The following ATRNL1 variants were observed in gnomAD, a reference collection of about 807,000 sequenced individuals.
The protein encoded by ATRNL1 is attractin like 1, also known as attractin-like protein 1.
A neutral mutation model predicts 182.7 loss-of-function variants in ATRNL1; 95 were observed. That is an observed-to-expected ratio of 0.52 (90% CI 0.44 to 0.62). The LOEUF is 0.62. ATRNL1 is among the 20% of genes least tolerant of loss of function. The probability of loss-of-function intolerance (pLI) is 0.00; values close to 1 mark genes in which losing one functional copy is unlikely to be tolerated. For synonymous variants in ATRNL1, 576 were observed against 568.3 expected, an observed-to-expected ratio of 1.01 and a Z score of -0.19; for missense variants, 1,471 against 1,679.5, an observed-to-expected ratio of 0.88 and a Z score of 2.17.
rs1854701328 is a variant in ATRNL1, at chr10:115,323,481, G to C, written c.3037+7745G>C. Among the ~76,000 whole-genome samples the C allele has an allele frequency of 3.3e-5, 4 of 122,124 alleles. No individual in the cohort carries two copies. The Admixed American group carries it at 4.8e-4, about 15-fold the overall frequency. The allele number at this position is 122,124 out of a possible 152,430, so 80.1% of individuals were successfully genotyped here. On this transcript the variant is annotated intron_variant, in intron 18 of 28. Coordinates refer to ENST00000355044, the MANE Select transcript of ATRNL1 (RefSeq NM_207303.4). ...TTTATTGAGACAGAGTTTCACTCTTGTTGCCCAGGCTGGAGTGCAGTGGCG... is the reference window on the plus strand; with the variant it reads ...TTTATTGAGACAGAGTTTCACTCTTCTTGCCCAGGCTGGAGTGCAGTGGCG...
intron 5 of ATRNL1, among the ~76,000 whole-genome samples, chr10:115,144,119 C>T (rs1186515781): frequency 6.6e-6 from 1 of 151,264 alleles, no homozygotes; most frequent in African/African-American, 2.4e-5. Context: ...AGCTGGATTA[C>T]AGGTGCCCAC....
At chr10:115,683,861 A>G (rs1011161111) in intron 26 of ATRNL1, among the ~76,000 whole-genome samples, 2 of 151,882 alleles carry the variant, frequency 1.3e-5, no homozygotes, top group South Asian at 2.1e-4. Flanking sequence ...AAGATTTAGC[A>G]TAAATTACAT....
At chr10:115,393,335 A>AT (rs2134275814) in intron 19 of ATRNL1, among the ~76,000 whole-genome samples, 1 of 152,298 alleles carries the variant, frequency 6.6e-6, no homozygotes, top group Admixed American at 6.5e-5. Flanking sequence ...AACTAGCAAT[A>AT]TGATTATCTG....
intron 26 of ATRNL1, among the ~76,000 whole-genome samples, chr10:115,689,926 T>G (rs115918308): frequency 0.035 from 5,267 of 152,192 alleles, 331 homozygotes; most frequent in African/African-American, 0.12. Flanking sequence ...CAGCCTCCAG[T>G]GGCAGCAGCA....
At chr10:115,914,742 A>G (rs1952792642) in intron 28 of ATRNL1, among the ~76,000 whole-genome samples, 1 of 152,114 alleles carries the variant, frequency 6.6e-6, no homozygotes, top group Admixed American at 6.5e-5. Flanking sequence ...CGATTGTTCA[A>G]CTGTTAGGAA....
intron 25 of ATRNL1, among the ~76,000 whole-genome samples, chr10:115,519,574 TC>T (rs1271645269): frequency 6.6e-6 from 1 of 152,066 alleles, no homozygotes; most frequent in Non-Finnish European, 1.5e-5. Flanking sequence ...TAACTTTGTG[TC>T]CCCCATCACA....
intron 26 of ATRNL1, among the ~76,000 whole-genome samples, chr10:115,712,897 T>C (rs1947106556): frequency 6.6e-6 from 1 of 151,956 alleles, no homozygotes; most frequent in Admixed American, 6.6e-5. Context: ...AAATTAGAAA[T>C]TTTTAATCAT....
chr10:115,492,647 T>TC (rs1463354516), intron 24 of ATRNL1, among the ~76,000 whole-genome samples: 3 of 144,340 alleles, frequency 2.1e-5, no homozygotes, highest in African/African-American at 7.6e-5. Context: ...TAAAGTGATT[T>TC]TTTTTTTTTT....
At chr10:115,442,617 G>T (rs1388706161) in intron 21 of ATRNL1, among the ~76,000 whole-genome samples, 1 of 151,978 alleles carries the variant, frequency 6.6e-6, no homozygotes, top group Non-Finnish European at 1.5e-5. Flanking sequence ...TTGCGGCTGT[G>T]TTATCATAAA....
chr10:115,659,922 T>G (rs11197388), intron 26 of ATRNL1, among the ~76,000 whole-genome samples: 1,772 of 152,246 alleles, frequency 0.012, 36 homozygotes, highest in African/African-American at 0.04. Context: ...CAAGAGATCG[T>G]TCTGGAGAAT....
intron 1 of ATRNL1, among the ~76,000 whole-genome samples, chr10:115,110,718 T>C (rs10885653): frequency 0.013 from 2,008 of 152,338 alleles, 41 homozygotes; most frequent in African/African-American, 0.046. Context: ...AAAAAAGTTA[T>C]TCTGGCTGAA....
intron 16 of ATRNL1, among the ~76,000 whole-genome samples, chr10:115,300,799 G>T (rs1853432227): frequency 1.3e-5 from 2 of 151,964 alleles, no homozygotes; most frequent in South Asian, 4.2e-4. Context: ...TAAATACTTT[G>T]ACACTGTTGT....
intron 26 of ATRNL1, among the ~76,000 whole-genome samples, chr10:115,718,274 C>T (rs1947316747): frequency 6.6e-6 from 1 of 152,212 alleles, no homozygotes; most frequent in South Asian, 2.1e-4. Flanking sequence ...CACTTTCCCT[C>T]TGCACTGTAT....
At chr10:115,619,866 T>C (rs919092778) in intron 26 of ATRNL1, among the ~76,000 whole-genome samples, 1 of 152,260 alleles carries the variant, frequency 6.6e-6, no homozygotes, top group African/African-American at 2.4e-5. Context: ...TCATTTCTAA[T>C]TATCTTCTTG....
chr10:115,730,083 G>A (rs868915825), intron 27 of ATRNL1, among the ~76,000 whole-genome samples: 4 of 151,036 alleles, frequency 2.6e-5, no homozygotes, highest in African/African-American at 9.7e-5. Flanking sequence ...ATGGTGAAAC[G>A]CCATCTCTAC....
intron 19 of ATRNL1, among the ~76,000 whole-genome samples, chr10:115,388,916 C>G (rs562767527): frequency 2.0e-5 from 3 of 151,976 alleles, no homozygotes; most frequent in Non-Finnish European, 4.4e-5. Flanking sequence ...AAGGATGAAA[C>G]TAAGCTAATT....
chr10:115,764,286 C>T (rs573492683), intron 27 of ATRNL1, among the ~76,000 whole-genome samples: 2 of 152,240 alleles, frequency 1.3e-5, no homozygotes, highest in East Asian at 3.9e-4. Context: ...AGTTGTTACA[C>T]TTGATGAAGC....
At chr10:115,434,382 T>TA (rs1846306128) in intron 21 of ATRNL1, among the ~76,000 whole-genome samples, 1 of 152,138 alleles carries the variant, frequency 6.6e-6, no homozygotes, top group Non-Finnish European at 1.5e-5. Flanking sequence ...ATGGGAAGGG[T>TA]ATGCTTATTA....
chr10:115,854,610 G>C (rs76697440), intron 28 of ATRNL1, among the ~76,000 whole-genome samples: 1 of 152,096 alleles, frequency 6.6e-6, no homozygotes, highest in African/African-American at 2.4e-5. Context: ...ATTTCCTCCC[G>C]TTCAGATGTA....
Sources: gnomAD v4.1 joint callset for allele counts (sites outside exome capture counted in the v4.1 genomes callset) on GRCh38, gnomAD v4.1.1 for gene constraint, MANE v1.5 for transcripts, NCBI Gene and HGNC (gene_info 2026-07-23, HGNC 2026-07-21) for gene names.